Variants in ABTB3 observed in about 807,000 individuals in gnomAD.
ABTB3 encodes ankyrin repeat- and BTB/POZ domain-containing protein 3.
the ABTB3 span, among the ~76,000 whole-genome samples, chr12:107,407,347 A>G: frequency 6.6e-6 from 1 of 152,240 alleles, no homozygotes; most frequent in East Asian, 1.9e-4. Context: ...ACAACTATTT[A>G]TAATTGCTTA....
At chr12:107,511,085 A>C in the ABTB3 span, among the ~76,000 whole-genome samples, 1 of 152,288 alleles carries the variant, frequency 6.6e-6, no homozygotes. Flanking sequence ...TGCTATGCCC[A>C]AGAAACCCCC....
At chr12:107,617,482 T>A in the ABTB3 span, 1 of 1,605,948 alleles carries the variant, frequency 6.2e-7, no homozygotes, top group Non-Finnish European at 8.5e-7. Flanking sequence ...TGGTGTTTGT[T>A]AAAAATGCAG....
At chr12:107,349,263 C>T in the ABTB3 span, among the ~76,000 whole-genome samples, 2 of 152,172 alleles carry the variant, frequency 1.3e-5, no homozygotes, top group Non-Finnish European at 2.9e-5. Context: ...GAGAGCCTGG[C>T]CTCATCTATA....
the ABTB3 span, among the ~76,000 whole-genome samples, chr12:107,657,029 C>G: frequency 1.3e-5 from 2 of 151,000 alleles, no homozygotes; most frequent in South Asian, 4.2e-4. Flanking sequence ...GGCAACAGAG[C>G]GAAACCCTGT....
the ABTB3 span, among the ~76,000 whole-genome samples, chr12:107,391,789 C>G: frequency 6.6e-6 from 1 of 152,150 alleles, no homozygotes; most frequent in African/African-American, 2.4e-5. Flanking sequence ...GTTCAGGGCT[C>G]TGCTTCATAG....
chr12:107,654,813 TATACAC>T, the ABTB3 span, among the ~76,000 whole-genome samples: 1,070 of 96,074 alleles, frequency 0.011, 21 homozygotes, highest in African/African-American at 0.055. Context: ...GTCTACATTG[TATACAC>T]ACACACACAC....
the ABTB3 span, among the ~76,000 whole-genome samples, chr12:107,349,542 G>A: frequency 5.9e-5 from 9 of 152,166 alleles, no homozygotes; most frequent in African/African-American, 2.2e-4. Context: ...ATCTCAGCAG[G>A]TTATTTAACC....
At chr12:107,397,917 A>G in the ABTB3 span, among the ~76,000 whole-genome samples, 9,309 of 152,084 alleles carry the variant, frequency 0.061, 360 homozygotes, top group Middle Eastern at 0.14. Context: ...GCGTTGACAT[A>G]TGGTATTTAT....
the ABTB3 span, among the ~76,000 whole-genome samples, chr12:107,636,745 G>A: frequency 6.6e-6 from 1 of 152,144 alleles, no homozygotes; most frequent in African/African-American, 2.4e-5. Flanking sequence ...TGTTATCAGG[G>A]CAACACGTTA....
the ABTB3 span, among the ~76,000 whole-genome samples, chr12:107,384,604 G>T: frequency 6.6e-6 from 1 of 152,322 alleles, no homozygotes; most frequent in East Asian, 1.9e-4. Flanking sequence ...GTTGAGCTGT[G>T]ATATACTCAC....
At chr12:107,367,808 C>T in the ABTB3 span, among the ~76,000 whole-genome samples, 80 of 152,256 alleles carry the variant, frequency 5.3e-4, no homozygotes, top group Middle Eastern at 3.4e-3. Context: ...CCCGGCCTCT[C>T]TCTCTCATTT....
the ABTB3 span, among the ~76,000 whole-genome samples, chr12:107,600,955 G>A: frequency 3.3e-5 from 5 of 152,224 alleles, no homozygotes; most frequent in Non-Finnish European, 7.3e-5. Flanking sequence ...AGGATTGTGT[G>A]GCTGAAGGAT....
the ABTB3 span, among the ~76,000 whole-genome samples, chr12:107,477,447 A>AT: frequency 6.6e-6 from 1 of 152,322 alleles, no homozygotes; most frequent in Non-Finnish European, 1.5e-5. Context: ...TGAGATGGGA[A>AT]TTTTAATCTA....
chr12:107,494,699 T>G, the ABTB3 span, among the ~76,000 whole-genome samples: 1 of 152,154 alleles, frequency 6.6e-6, no homozygotes, highest in Admixed American at 6.5e-5. Flanking sequence ...GAATACCAGA[T>G]TATTCCCAAC....
At chr12:107,621,502 A>G in the ABTB3 span, among the ~76,000 whole-genome samples, 1 of 152,246 alleles carries the variant, frequency 6.6e-6, no homozygotes, top group African/African-American at 2.4e-5. Context: ...TCTTCAGCCT[A>G]TACTGGGAAT....
the ABTB3 span, among the ~76,000 whole-genome samples, chr12:107,440,600 T>A: frequency 2.0e-5 from 3 of 152,154 alleles, no homozygotes; most frequent in Non-Finnish European, 4.4e-5. Flanking sequence ...CTGTTCCCCC[T>A]GAGAATGCAT....
chr12:107,618,343 G>C, the ABTB3 span: 1 of 1,613,494 alleles, frequency 6.2e-7, no homozygotes, highest in Non-Finnish European at 8.5e-7. Flanking sequence ...GCTGAGCATG[G>C]CTACGTGGAT....
the ABTB3 span, among the ~76,000 whole-genome samples, chr12:107,323,207 T>C: frequency 6.6e-6 from 1 of 152,154 alleles, no homozygotes; most frequent in Non-Finnish European, 1.5e-5. Context: ...CTTGAACTCC[T>C]GAGCTCAAGA....
At chr12:107,333,940 T>C in the ABTB3 span, among the ~76,000 whole-genome samples, 1 of 152,012 alleles carries the variant, frequency 6.6e-6, no homozygotes, top group South Asian at 2.1e-4. Context: ...TGTAGAAAGA[T>C]GAAGGAGGTG....
Sources: allele counts gnomAD v4.1 joint callset (sites outside exome capture counted in the v4.1 genomes callset), GRCh38; gene constraint gnomAD v4.1.1; transcripts MANE v1.5; gene names NCBI Gene and HGNC (gene_info 2026-07-23, HGNC 2026-07-21).